RGS7: variants seen among roughly 807,000 people sequenced by gnomAD.
RGS7 encodes regulator of G protein signaling 7, also known as regulator of G-protein signaling 7.
Under a neutral mutation model 81.1 loss-of-function variants are expected in RGS7, and 27 were observed. The observed-to-expected ratio is 0.33, with a 90% CI of 0.25 to 0.46. The LOEUF is 0.46. RGS7 is among the 20% of genes least tolerant of loss of function. The pLI is 1.00. For synonymous variants in RGS7, 208 were observed against 207.7 expected (o/e 1.00, Z -0.01); for missense variants, 396 against 607.4 (o/e 0.65, Z 3.66).
At position 241,110,084 on chromosome 1, in the gene RGS7, T is replaced by C. The variant is rs2065408667; in HGVS notation, c.79-11322A>G. Among the ~76,000 whole-genome samples the C allele has an allele frequency of 4.6e-5, 7 of 152,366 alleles. No individual in the cohort carries two copies. The South Asian group carries it at 1.4e-3, about 32-fold the overall frequency. ...GGGTTAAATATCGCCAACTGCTCTTTACAATATACTCTCTGTAAACATTCT... is the reference window on the plus strand; with the variant it reads ...GGGTTAAATATCGCCAACTGCTCTTCACAATATACTCTCTGTAAACATTCT... On this transcript the variant is annotated intron_variant, in intron 2 of 18. Coordinates refer to ENST00000440928, the MANE Select transcript of RGS7 (RefSeq NM_001364886.1).
chr1:240,893,053 G>A (rs1175105195), intron 6 of RGS7, among the ~76,000 whole-genome samples: 1 of 151,826 alleles, frequency 6.6e-6, no homozygotes, highest in African/African-American at 2.4e-5. Context: ...ACTGTCCTAG[G>A]AACTAGGAAC....
At chr1:241,032,832 G>C (rs888320814) in intron 3 of RGS7, among the ~76,000 whole-genome samples, 1 of 152,180 alleles carries the variant, frequency 6.6e-6, no homozygotes, top group Admixed American at 6.5e-5. Flanking sequence ...TTGATTTTGT[G>C]TTCTGCAACT....
intron 2 of RGS7, among the ~76,000 whole-genome samples, chr1:241,209,428 T>A (rs1425009562): frequency 6.6e-6 from 1 of 152,184 alleles, no homozygotes. Flanking sequence ...TTAGTACAAA[T>A]AAGACTTAGG....
chr1:241,255,014 A>C (rs1038615982), intron 2 of RGS7, among the ~76,000 whole-genome samples: 1 of 152,238 alleles, frequency 6.6e-6, no homozygotes, highest in Non-Finnish European at 1.5e-5. Flanking sequence ...TGGAGAATAG[A>C]AGATGACTGT....
chr1:241,165,220 A>G lies in RGS7; in HGVS notation c.79-66458T>C, dbSNP rs180731452. 2.1e-3 allele frequency among the ~76,000 whole-genome samples: 314 copies of G among 152,340 alleles called. 1 individual carries two copies. The highest frequency in any genetic ancestry group is 7.2e-3 in the African/African-American group (298 of 41,592). ...AGATAAGTAGCATACACACATATGC[A>G]TTTCTTAAACTACCGATTTAATAAT... On this transcript the variant is annotated intron_variant, in intron 2 of 18. Coordinates refer to ENST00000440928, the MANE Select transcript of RGS7 (RefSeq NM_001364886.1).
intron 9 of RGS7, among the ~76,000 whole-genome samples, chr1:240,835,400 C>T: frequency 6.6e-6 from 1 of 152,188 alleles, no homozygotes; most frequent in South Asian, 2.1e-4. Context: ...TACCACTACA[C>T]ACCTATTAGA....
intron 2 of RGS7, among the ~76,000 whole-genome samples, chr1:241,099,882 T>G (rs1192500809): frequency 6.6e-6 from 1 of 152,190 alleles, no homozygotes. Context: ...AAGTATGTAG[T>G]TTAGCTAATA....
At chr1:240,970,476 G>C (rs1683023951) in intron 4 of RGS7, among the ~76,000 whole-genome samples, 1 of 152,210 alleles carries the variant, frequency 6.6e-6, no homozygotes, top group Non-Finnish European at 1.5e-5. Flanking sequence ...AAACAAATAA[G>C]GTGGGGAGTA....
intron 3 of RGS7, among the ~76,000 whole-genome samples, chr1:241,039,820 A>G (rs1248724880): frequency 2.1e-5 from 3 of 145,470 alleles, no homozygotes; most frequent in Non-Finnish European, 4.7e-5. Flanking sequence ...AGGATGTTTG[A>G]TCTATGAATC....
chr1:241,312,553 T>G (rs551665575), intron 2 of RGS7, among the ~76,000 whole-genome samples: 5 of 152,142 alleles, frequency 3.3e-5, no homozygotes, highest in Admixed American at 1.3e-4. Flanking sequence ...ATGTTACTAT[T>G]GTAATTGTTT....
intron 1 of RGS7, 130 bp downstream of exon 1, chr1:241,356,769 G>A (rs1354906288): frequency 6.7e-6 from 1 of 149,316 alleles, no homozygotes; most frequent in Non-Finnish European, 1.5e-5. Context: ...GCCCCGGCGC[G>A]GGGCTCCCGG....
chr1:241,042,972 G>A (rs1282248536), intron 3 of RGS7, among the ~76,000 whole-genome samples: 1 of 148,560 alleles, frequency 6.7e-6, no homozygotes. Flanking sequence ...AAAAAAAAAA[G>A]GATTATGTCC....
At chr1:240,793,661 G>A (rs1351035192) in intron 18 of RGS7, among the ~76,000 whole-genome samples, 1 of 139,086 alleles carries the variant, frequency 7.2e-6, no homozygotes, top group Non-Finnish European at 1.5e-5. Flanking sequence ...CCAGGCTGGA[G>A]GGCAGTGGCA....
chr1:241,047,279 T>G (rs2060983991), intron 3 of RGS7, among the ~76,000 whole-genome samples: 1 of 152,196 alleles, frequency 6.6e-6, no homozygotes, highest in Non-Finnish European at 1.5e-5. Context: ...GATTTTAGCT[T>G]CATAGTTTCC....
chr1:241,052,451 G>T (rs892582454), intron 3 of RGS7, among the ~76,000 whole-genome samples: 1 of 152,062 alleles, frequency 6.6e-6, no homozygotes, highest in Non-Finnish European at 1.5e-5. Context: ...AGCAGTATGG[G>T]AAGGCACGGC....
chr1:241,313,592 G>A (rs1424387437), intron 2 of RGS7, among the ~76,000 whole-genome samples: 2 of 152,216 alleles, frequency 1.3e-5, no homozygotes, highest in African/African-American at 4.8e-5. Context: ...CATCTATTCT[G>A]CAGCCCATGG....
At chr1:241,120,368 G>A (rs960689761) in intron 2 of RGS7, among the ~76,000 whole-genome samples, 1 of 152,160 alleles carries the variant, frequency 6.6e-6, no homozygotes, top group African/African-American at 2.4e-5. Context: ...TTGTTTTAGA[G>A]ACAGGGTCTT....
intron 2 of RGS7, among the ~76,000 whole-genome samples, chr1:241,253,555 C>A (rs773143409): frequency 6.6e-6 from 1 of 152,114 alleles, no homozygotes; most frequent in Non-Finnish European, 1.5e-5. Context: ...GTGCAAGAGG[C>A]AACGATGAAA....
At chr1:240,859,454 T>C (rs1558367016) in intron 9 of RGS7, among the ~76,000 whole-genome samples, 1 of 150,056 alleles carries the variant, frequency 6.7e-6, no homozygotes, top group African/African-American at 2.4e-5. Flanking sequence ...TTTTTTTTTT[T>C]TTTTCTTTTG....
Sources: gnomAD v4.1 joint callset for allele counts (sites outside exome capture counted in the v4.1 genomes callset) on GRCh38, gnomAD v4.1.1 for gene constraint, MANE v1.5 for transcripts, NCBI Gene and HGNC (gene_info 2026-07-23, HGNC 2026-07-21) for gene names.